WIPI2: variants seen among roughly 807,000 people sequenced by gnomAD.
The protein encoded by WIPI2 is WD repeat domain phosphoinositide-interacting protein 2.
In WIPI2, 28 loss-of-function variants were observed where a neutral mutation model predicts 52.3. That is an observed-to-expected ratio of 0.54 (90% CI 0.40 to 0.73). The LOEUF (loss-of-function observed/expected upper bound fraction) is 0.73, where lower values mean the gene tolerates loss of function less well. Among genes scored for constraint, WIPI2 ranks in the 30% least tolerant of loss-of-function variants. The pLI is 0.00. For synonymous variants in WIPI2, 268 were observed against 245.0 expected (o/e 1.09, Z -0.88); for missense variants, 506 against 602.9 (o/e 0.84, Z 1.68).
chr7:5,203,479 C>A (rs1015835935), intron 3 of WIPI2, among the ~76,000 whole-genome samples: 1 of 152,132 alleles, frequency 6.6e-6, no homozygotes, highest in Non-Finnish European at 1.5e-5. Context: ...TTTTTTAAAT[C>A]AAGTAATTAA....
intron 8 of WIPI2, among the ~76,000 whole-genome samples, chr7:5,224,925 C>T (rs943930763): frequency 2.6e-5 from 4 of 152,152 alleles, no homozygotes; most frequent in Non-Finnish European, 5.9e-5. Flanking sequence ...CCACCCCCAT[C>T]GCTGGATGCT....
In WIPI2 at chr7:5,222,450, A is replaced by T; in HGVS notation, c.670-152A>T. 4.0e-6 allele frequency: 3 copies of T among 757,106 alleles called. No homozygotes were observed. The South Asian group carries it at 4.4e-5, about 11-fold the overall frequency. The allele number at this position is 757,106 out of a possible 1,614,324, so 46.9% of individuals were successfully genotyped here. On this transcript the variant is annotated intron_variant, in intron 7 of 12. Transcript: ENST00000288828. Reference sequence around the variant, plus strand: ...GCAAAAAGTGTGGAGATGATGTTCAAGGGGGGCCCTGGGGGACCCCAGACT... The same window carrying T: ...GCAAAAAGTGTGGAGATGATGTTCATGGGGGGCCCTGGGGGACCCCAGACT...
intron 3 of WIPI2, among the ~76,000 whole-genome samples, chr7:5,203,851 C>T (rs1184613198): frequency 1.3e-5 from 2 of 151,956 alleles, no homozygotes; most frequent in African/African-American, 4.8e-5. Flanking sequence ...TCTCGATCTC[C>T]TGACCTCATG....
At chr7:5,197,136 A>C (rs1184547859) in intron 2 of WIPI2, among the ~76,000 whole-genome samples, 1 of 150,662 alleles carries the variant, frequency 6.6e-6, no homozygotes, top group Non-Finnish European at 1.5e-5. Flanking sequence ...AAAAAAAAAA[A>C]AAAAAAAAAA....
At chr7:5,216,452 A>G (rs35722692) in intron 4 of WIPI2, 111 bp from the exon 5 acceptor site, 1 of 830,316 alleles carries the variant, frequency 1.2e-6, no homozygotes, top group South Asian at 1.7e-5. Context: ...AAATACAATA[A>G]CAATAGAAGG....
intron 3 of WIPI2, among the ~76,000 whole-genome samples, chr7:5,208,225 T>C (rs771696943): frequency 6.6e-6 from 1 of 152,226 alleles, no homozygotes; most frequent in Admixed American, 6.5e-5. Flanking sequence ...CTCTGTGACA[T>C]GTCTGTTCCA....
Position 5,227,752 on chromosome 7 carries a change from A to T in WIPI2, c.1014-352A>T, listed in dbSNP as rs1242480999. Among the ~76,000 whole-genome samples the T allele has an allele frequency of 6.6e-6, 1 of 152,066 alleles. No individual in the cohort carries two copies. The highest frequency in any genetic ancestry group is 1.5e-5 in the Non-Finnish European group (1 of 68,012). ...TGCGTGCGGGAAAGATTGTCATTAC[A>T]CCCAGTGATGGCAGGGCTTTGGGCT... On this transcript the variant is annotated intron_variant, in intron 10 of 12. Coordinates refer to ENST00000288828, the MANE Select transcript of WIPI2 (RefSeq NM_015610.4). This position sits in a 1 kb window ranked among gnomAD's most constrained non-coding sequence, Gnocchi z 8.1.
At chr7:5,229,458 C>T (rs768552596) in intron 11 of WIPI2, 150 bp from the exon 12 acceptor site, 18 of 843,486 alleles carry the variant, frequency 2.1e-5, no homozygotes, top group Middle Eastern at 2.9e-4. Context: ...TGCAGATAGA[C>T]GAGATTAAAG....
In WIPI2 at chr7:5,227,291, C is replaced by T. The variant is rs373112670; in HGVS notation, c.960C>T (p.Phe320=). 17 of 1,612,746 alleles carry T rather than the reference C, an allele frequency of 1.1e-5. No homozygotes were observed. In the African/African-American group the frequency reaches 1.5e-4, roughly 14 times the overall value. The part of the protein sequence containing the change: ...VTEMFNQGRA[F]ATVRLPFCGH... ...AAATGTTCAACCAGGGCAGAGCCTT[C>T]GCCACGGTCCGCCTGCCATTCTGCG... Residue 320 remains phenylalanine (F), a synonymous_variant, in exon 10 of 13, where the codon TTC becomes TTT. Coordinates refer to ENST00000288828, the MANE Select transcript of WIPI2 (RefSeq NM_015610.4). This position sits in a 1 kb window ranked among gnomAD's most constrained non-coding sequence, Gnocchi z 8.1.
rs998983356 is a variant in WIPI2, at chr7:5,217,151, C to A, written c.540C>A (p.Thr180=). Residue 180 remains threonine, a synonymous_variant, in exon 6 of 13, where the codon ACC becomes ACA. Transcript: ENST00000288828. ...ACTTGGCGTACCCAGGGAGCGCGAC[C>A]ATCGGAGAGGTGCAGGTCTTCGATA... ...NCYLAYPGSA[T]IGEVQVFDTI... is the part of the protein sequence containing the mutation. 1.9e-6 allele frequency: 3 copies of A among 1,614,026 alleles called. No homozygotes were observed. The African/African-American group carries it at 4.0e-5, about 22-fold the overall frequency.
chr7:5,220,576 G>A (rs1439246340), intron 7 of WIPI2, among the ~76,000 whole-genome samples: 1 of 151,892 alleles, frequency 6.6e-6, no homozygotes, highest in Non-Finnish European at 1.5e-5. Context: ...TAGTGCAGTG[G>A]CATGATCATG....
chr7:5,195,357 C>T (rs879423068), intron 2 of WIPI2, among the ~76,000 whole-genome samples: 14 of 152,006 alleles, frequency 9.2e-5, no homozygotes, highest in Non-Finnish European at 1.6e-4. Flanking sequence ...TGGTGGCACG[C>T]GCCTGTGGTC....
Position 5,208,543 on chromosome 7 carries a change from A to C in WIPI2, c.212-5992A>C, listed in dbSNP as rs755089534. Among the ~76,000 whole-genome samples the C allele has an allele frequency of 3.3e-5, 5 of 151,962 alleles. No individual in the cohort carries two copies. In the East Asian group the frequency reaches 9.6e-4, roughly 29 times the overall value. On this transcript the variant is annotated intron_variant, in intron 3 of 12. Coordinates refer to ENST00000288828, the MANE Select transcript of WIPI2 (RefSeq NM_015610.4). Reference sequence around the variant, plus strand: ...TCTGTGAAAGCTTTATATAGTTAACACTATACATAAAAGCTAAAGTTTTTA... The same window carrying C: ...TCTGTGAAAGCTTTATATAGTTAACCCTATACATAAAAGCTAAAGTTTTTA...
chr7:5,222,780 C>A, intron 8 of WIPI2, 108 bp downstream of exon 8: 3 of 1,097,266 alleles, frequency 2.7e-6, no homozygotes, highest in Non-Finnish European at 2.7e-6. Flanking sequence ...TCCACACGAG[C>A]ATTTCTAGCC....
intron 8 of WIPI2, among the ~76,000 whole-genome samples, chr7:5,224,563 T>C (rs1412761899): frequency 6.6e-6 from 1 of 151,538 alleles, no homozygotes; most frequent in African/African-American, 2.4e-5. Flanking sequence ...GGGAGCAGAG[T>C]TTTTAAGGAT....
chr7:5,217,840 G>A (rs780001050), intron 6 of WIPI2, 82 bp from the exon 7 acceptor site: 2 of 1,332,628 alleles, frequency 1.5e-6, no homozygotes, highest in South Asian at 2.4e-5. Flanking sequence ...ACAGCTAATT[G>A]GCACTTGCGG....
intron 8 of WIPI2, 110 bp from the exon 9 acceptor site, chr7:5,225,713 C>A (rs904348502): frequency 5.3e-5 from 37 of 694,738 alleles, no homozygotes; most frequent in Middle Eastern, 3.4e-4. Context: ...ATAAAACTTA[C>A]CAGCAGGCCC....
At position 5,210,321 on chromosome 7, in the gene WIPI2, A is replaced by G. The variant is rs112651287; in HGVS notation, c.212-4214A>G. Among the ~76,000 whole-genome samples, 56 of 152,350 alleles carry G rather than the reference A, an allele frequency of 3.7e-4. 1 individual carries two copies. Among genetic ancestry groups the G allele is most frequent in the Middle Eastern group, 3.4e-3 (1 of 294 alleles). Reference sequence around the variant, plus strand: ...CATCAAAATATGTCAAGGTCGCCATATAAGCTCCTCGTTCCCAGACTCAGG... The same window carrying G: ...CATCAAAATATGTCAAGGTCGCCATGTAAGCTCCTCGTTCCCAGACTCAGG... On this transcript the variant is annotated intron_variant, in intron 3 of 12. Transcript: ENST00000288828.
At chr7:5,206,745 C>CTA (rs1203724736) in intron 3 of WIPI2, among the ~76,000 whole-genome samples, 1 of 152,200 alleles carries the variant, frequency 6.6e-6, no homozygotes, top group African/African-American at 2.4e-5. Context: ...CACACACACA[C>CTA]ACACAGACAC....
Sources: gnomAD v4.1 joint callset for allele counts (sites outside exome capture counted in the v4.1 genomes callset) on GRCh38, gnomAD v4.1.1 for gene constraint, Gnocchi (gnomAD v3.1) non-coding constraint, MANE v1.5 for transcripts, NCBI Gene and HGNC (gene_info 2026-07-23, HGNC 2026-07-21) for gene names.